The following HSH2D variants were observed in gnomAD, a reference collection of about 807,000 sequenced individuals.
HSH2D encodes the protein hematopoietic SH2 domain-containing protein.
A neutral mutation model predicts 21.5 loss-of-function variants in HSH2D; 16 were observed. That is an observed-to-expected ratio of 0.74 (90% confidence interval 0.50 to 1.13). The LOEUF (loss-of-function observed/expected upper bound fraction) is 1.13. HSH2D is among the 50% of genes most tolerant of loss of function. The pLI, the probability that HSH2D is intolerant of heterozygous loss-of-function variation, is 0.00. For synonymous variants in HSH2D, 172 were observed against 184.7 expected (o/e 0.93, Z 0.56); for missense variants, 418 against 441.4 (o/e 0.95, Z 0.47).
At chr19:16,138,017 G>A (rs1331642626) in intron 1 of HSH2D, among the ~76,000 whole-genome samples, 5 of 151,846 alleles carry the variant, frequency 3.3e-5, no homozygotes, top group Non-Finnish European at 7.4e-5. Flanking sequence ...TACAGGTCCC[G>A]CCACCACGCC....
At position 16,151,436 on chromosome 19, in the gene HSH2D, T is replaced by G. The variant is rs939520882; in HGVS notation, c.126-1116T>G. 10 of 424,830 alleles carry G rather than the reference T, an allele frequency of 2.4e-5. No individual in the cohort carries two copies. In the East Asian group the frequency reaches 7.5e-4, roughly 32 times the overall value. 26.3% of individuals were successfully genotyped at this position (424,830 alleles called of 1,614,324 possible). A position where few individuals can be genotyped will look rare whatever the true frequency, so the allele number is the denominator to read the frequency against. On this transcript the variant is annotated intron_variant, in intron 2 of 5. Coordinates refer to ENST00000613986, the MANE Select transcript of HSH2D (RefSeq NM_001382417.1). ...TCATGCTTATGTTGCAAGTTCTTTC[T>G]GTTCTCACAGCAGCCTTGGAAGTGG...
rs78977060 is a variant in HSH2D at position 16,137,576 on chromosome 19, CAAAAAAAAAA to C, written c.-324+3347_-324+3356del. Among the ~76,000 whole-genome samples the C allele has an allele frequency of 2.9e-5, 3 of 102,464 alleles. No individual in the cohort carries two copies. The South Asian group carries it at 9.5e-4, about 33-fold the overall frequency. 67.2% of individuals were successfully genotyped at this position (102,464 alleles called of 152,430 possible). ...TGGGCAACAGAGCGAGACTCCGTCT[CAAAAAAAAAA>C]AAAAAGAAAAAAAGAAGCAGGGTCT... On this transcript the variant is annotated intron_variant, in intron 1 of 7. Transcript: ENST00000616645.
rs1347906363 is a variant in HSH2D, at chr19:16,157,825, C to T, written c.*31C>T. Reference sequence around the variant, plus strand: ...AGGTCCACCCTGGCTCTGGGACTCGCTGCCAGGGGCTGCCACACTCCTGAA... The same window carrying T: ...AGGTCCACCCTGGCTCTGGGACTCGTTGCCAGGGGCTGCCACACTCCTGAA... On this transcript the variant is annotated 3_prime_UTR_variant, in exon 6 of 6. Coordinates refer to ENST00000613986, the MANE Select transcript of HSH2D (RefSeq NM_001382417.1). The surrounding 1 kb of genome is among the most constrained non-coding windows in gnomAD (Gnocchi z 4.4). The T allele has an allele frequency of 7.1e-7, 1 of 1,418,110 alleles. No homozygotes were observed. Among genetic ancestry groups the T allele is most frequent in the Non-Finnish European group, 9.5e-7 (1 of 1,052,010 alleles). 87.8% of individuals were successfully genotyped at this position (1,418,110 alleles called of 1,614,324 possible).
At chr19:16,147,731 C>T (rs866585966) in intron 1 of HSH2D, among the ~76,000 whole-genome samples, 7 of 148,356 alleles carry the variant, frequency 4.7e-5, no homozygotes, top group African/African-American at 7.4e-5. Flanking sequence ...CTGCAGCCTC[C>T]GCCTCCTGGG....
chr19:16,155,371 C>G (rs1407890233), intron 5 of HSH2D, among the ~76,000 whole-genome samples: 1 of 152,024 alleles, frequency 6.6e-6, no homozygotes, highest in African/African-American at 2.4e-5. Context: ...CACACAGACA[C>G]AGGGAGGACA....
At chr19:16,156,964 C>T (rs1333698136) in intron 5 of HSH2D, among the ~76,000 whole-genome samples, 1 of 150,054 alleles carries the variant, frequency 6.7e-6, no homozygotes, top group South Asian at 2.1e-4. Context: ...CCAGACTGGG[C>T]GACAGAGTGA....
chr19:16,154,294 A>C, intron 4 of HSH2D, 105 bp from the exon 5 acceptor site: 1 of 685,272 alleles, frequency 1.5e-6, no homozygotes, highest in South Asian at 1.9e-5. Context: ...CTAGGTACTA[A>C]GAAACTGCTA....
At chr19:16,156,857 G>A (rs2091243242) in intron 5 of HSH2D, among the ~76,000 whole-genome samples, 1 of 152,082 alleles carries the variant, frequency 6.6e-6, no homozygotes, top group Non-Finnish European at 1.5e-5. Context: ...GCGTGGTGGT[G>A]TGCTTTTGGT....
In HSH2D at chr19:16,143,751, C is replaced by T; in HGVS notation, c.-51C>T. 1 of 454,092 alleles carries T rather than the reference C, an allele frequency of 2.2e-6. No individual in the cohort carries two copies. Among genetic ancestry groups the T allele is most frequent in the Non-Finnish European group, 4.4e-6 (1 of 225,434 alleles). 28.1% of individuals were successfully genotyped at this position (454,092 alleles called of 1,614,324 possible). A position where few individuals can be genotyped will look rare whatever the true frequency, so the allele number is the denominator to read the frequency against. On this transcript the variant is annotated 5_prime_UTR_variant, in exon 1 of 6. Transcript: ENST00000613986. ...GCACTGGCACAGCTACAGCGAGGGC[C>T]TCGGCCATCCAAGGGTCTCCCAGGT...
chr19:16,157,799 C>T lies in HSH2D; in HGVS notation c.*5C>T, dbSNP rs2091257358. 1 of 1,571,918 alleles carries T rather than the reference C, an allele frequency of 6.4e-7. No individual in the cohort carries two copies. Among genetic ancestry groups the T allele is most frequent in the Non-Finnish European group, 8.6e-7 (1 of 1,163,670 alleles). ...TTTGCCCCTGGGTACTGCTAGAGAA[C>T]AGGTCCACCCTGGCTCTGGGACTCG... is the stretch of plus-strand genomic sequence containing the variant. On this transcript the variant is annotated 3_prime_UTR_variant, in exon 6 of 6. Transcript: ENST00000613986. The surrounding 1 kb of genome is among the most constrained non-coding windows in gnomAD (Gnocchi z 4.4).
chr19:16,148,650 C>T (rs285290), intron 1 of HSH2D, 74 bp from the exon 2 acceptor site: 308,431 of 1,474,584 alleles, frequency 0.21, 43,566 homozygotes, highest in African/African-American at 0.71. Context: ...GGAGGCACCA[C>T]AAGCTTCAAG....
chr19:16,141,619 A>T (rs2091000523), upstream of HSH2D, among the ~76,000 whole-genome samples: 1 of 152,226 alleles, frequency 6.6e-6, no homozygotes, highest in South Asian at 2.1e-4. Context: ...CTTAATGCCA[A>T]CACAGTTGTA....
chr19:16,150,494 G>A lies in HSH2D; in HGVS notation c.125+1619G>A, dbSNP rs375100301. Among the ~76,000 whole-genome samples the A allele has an allele frequency of 2.2e-4, 34 of 151,828 alleles. No homozygotes were observed. The East Asian group carries it at 2.7e-3, about 12-fold the overall frequency. Reference sequence around the variant, plus strand: ...GCGGAGATTGCAGTGAGCTGAGGTCGTGCCACTGCACTCCAGGCTGAGCAA... The same window carrying A: ...GCGGAGATTGCAGTGAGCTGAGGTCATGCCACTGCACTCCAGGCTGAGCAA... On this transcript the variant is annotated intron_variant, in intron 2 of 5. Coordinates refer to ENST00000613986, the MANE Select transcript of HSH2D (RefSeq NM_001382417.1).
rs575204510 is a variant in HSH2D, at chr19:16,152,568, C to A, written c.142C>A (p.Leu48Met). The change falls in exon 3 of 6, where the codon CTG (leucine) becomes ATG (methionine). Residue 48 changes from leucine to methionine, a missense_variant. Coordinates refer to ENST00000613986, the MANE Select transcript of HSH2D (RefSeq NM_001382417.1). ...CCCTTCCAGGGATGCTGAGAACTTG[C>A]TGGAGTCACAGCCACTGGGATCCTT... ...AISREDAENLLESQPLGSFLI... is the reference protein window; with the variant it reads ...AISREDAENLMESQPLGSFLI... The A allele has an allele frequency of 2.7e-6, 4 of 1,502,004 alleles. No individual in the cohort carries two copies. In the African/African-American group the frequency reaches 5.6e-5, roughly 21 times the overall value. The allele number at this position is 1,502,004 out of a possible 1,614,324, so 93.0% of individuals were successfully genotyped here. A position where few individuals can be genotyped will look rare whatever the true frequency, so the allele number is the denominator to read the frequency against.
intron 1 of HSH2D, among the ~76,000 whole-genome samples, chr19:16,144,666 T>C (rs999122513): frequency 3.3e-5 from 5 of 149,996 alleles, no homozygotes; most frequent in African/African-American, 4.9e-5. Flanking sequence ...ACCCAGGCCA[T>C]CTGGGTCGAA....
In HSH2D at chr19:16,138,247, G is replaced by C. The variant is rs2090977257; in HGVS notation, c.-323-3694G>C. Among the ~76,000 whole-genome samples the C allele has an allele frequency of 2.0e-5, 3 of 152,070 alleles. 1 individual carries two copies. The South Asian group carries it at 6.2e-4, about 32-fold the overall frequency. ...GCTTCTCTCAGCATCATGTTTTTGG[G>C]GCTCATCCACATTGTAGCATGGAGC... is the stretch of plus-strand genomic sequence containing the variant. On this transcript the variant is annotated intron_variant, in intron 1 of 7. Coordinates refer to the HSH2D transcript ENST00000616645.
In HSH2D at chr19:16,157,140, C is replaced by T; in HGVS notation, c.475-70C>T. ...AGGGTGTCTGGGTGGAACCCAGGCTCCAATTTCTGGGACAGACATGGTGCT... is the reference window on the plus strand; with the variant it reads ...AGGGTGTCTGGGTGGAACCCAGGCTTCAATTTCTGGGACAGACATGGTGCT... On this transcript the variant is annotated intron_variant, in intron 5 of 5. Transcript: ENST00000613986. The surrounding 1 kb of genome is among the most constrained non-coding windows in gnomAD (Gnocchi z 4.4). The T allele has an allele frequency of 7.5e-7, 1 of 1,340,792 alleles. No homozygotes were observed. Among genetic ancestry groups the T allele is most frequent in the Non-Finnish European group, 1.0e-6 (1 of 987,742 alleles). The allele number at this position is 1,340,792 out of a possible 1,614,324, so 83.1% of individuals were successfully genotyped here. A position where few individuals can be genotyped will look rare whatever the true frequency, so the allele number is the denominator to read the frequency against.
chr19:16,153,500 A>G (rs1411940805), intron 4 of HSH2D, among the ~76,000 whole-genome samples: 1 of 152,054 alleles, frequency 6.6e-6, no homozygotes, highest in East Asian at 1.9e-4. Context: ...TTTCCTTAGA[A>G]GGCTCGGTGG....
chr19:16,153,259 C>A, intron 4 of HSH2D, 51 bp downstream of exon 4: 1 of 1,440,112 alleles, frequency 6.9e-7, no homozygotes, highest in Non-Finnish European at 9.1e-7. Context: ...GGGCCAAGCC[C>A]CCCAGACCCC....
Sources: allele counts gnomAD v4.1 joint callset (sites outside exome capture counted in the v4.1 genomes callset), GRCh38; gene constraint gnomAD v4.1.1; non-coding constraint Gnocchi (gnomAD v3.1); transcripts MANE v1.5; gene names NCBI Gene and HGNC (gene_info 2026-07-23, HGNC 2026-07-21).